Variants in DISP2 observed in about 807,000 individuals in gnomAD.
DISP2 encodes the protein dispatched RND transporter family member 2, also known as protein dispatched homolog 2.
In DISP2, 59 loss-of-function variants were observed where a neutral mutation model predicts 95.5. That is an observed-to-expected ratio of 0.62 (90% confidence interval 0.50 to 0.77). DISP2 has a LOEUF of 0.77. DISP2 is among the 30% of genes least tolerant of loss of function. The pLI is 0.00. For missense variants in DISP2, 1,752 were observed against 1,854.6 expected (o/e 0.94, Z 1.02); for synonymous variants, 827 against 815.0 (o/e 1.01, Z -0.25).
chr15:40,363,999 G>T, intron 2 of DISP2, 45 bp downstream of exon 2: 1 of 1,499,536 alleles, frequency 6.7e-7, no homozygotes, highest in South Asian at 1.3e-5. Context: ...TGGAAAATGC[G>T]GTGGGGCTTA....
In DISP2 at chr15:40,367,113, G is replaced by A. The variant is rs756145205; in HGVS notation, c.1001G>A (p.Cys334Tyr). The change falls in exon 8 of 8, where the codon TGC (cysteine) becomes TAC (tyrosine). Residue 334 changes from cysteine to tyrosine, a missense_variant. Cys to Tyr is a radical substitution (Grantham distance 194). Transcript: ENST00000267889. ...ALCQRTAANQ[C>Y]CPSWSLGNYL... ...TGCCAGCGGACAGCAGCCAACCAGT[G>A]CTGCCCCAGCTGGTCCCTGGGCAAC... The A allele has an allele frequency of 6.2e-7, 1 of 1,613,544 alleles. No homozygotes were observed. The highest frequency in any genetic ancestry group is 1.1e-5 in the South Asian group (1 of 91,088).
chr15:40,373,015 A>T lies in DISP2; in HGVS notation c.*2697A>T, dbSNP rs1181073265. 1.3e-5 allele frequency: 2 copies of T among 152,318 alleles called. No homozygotes were observed. The highest frequency in any genetic ancestry group is 4.1e-4 in the South Asian group (2 of 4,828). 9.4% of individuals were successfully genotyped at this position (152,318 alleles called of 1,614,324 possible). A position where few individuals can be genotyped will look rare whatever the true frequency, so the allele number is the denominator to read the frequency against. ...GAAGAACCCAGCAGTAATCTAAAACATTACCTTATACCTAGAATGGCCCAA... is the reference window on the plus strand; with the variant it reads ...GAAGAACCCAGCAGTAATCTAAAACTTTACCTTATACCTAGAATGGCCCAA... On this transcript the variant is annotated 3_prime_UTR_variant, in exon 8 of 8. Transcript: ENST00000267889.
intron 7 of DISP2, among the ~76,000 whole-genome samples, chr15:40,366,382 G>A (rs577904181): frequency 2.4e-4 from 37 of 152,344 alleles, no homozygotes; most frequent in Non-Finnish European, 5.0e-4. Context: ...ACAGTTAAAT[G>A]AGATAGAAGT....
chr15:40,368,441 G>T lies in DISP2; in HGVS notation c.2329G>T (p.Gly777Cys). ...CCACATGCCCGTGGTTTTGGTGTGGGGCGTCCTGCCTGTGGACACTGGCGA... is the reference window on the plus strand; with the variant it reads ...CCACATGCCCGTGGTTTTGGTGTGGTGCGTCCTGCCTGTGGACACTGGCGA... Reference protein sequence around the residue: ...GGHMPVVLVWGVLPVDTGDPL... With the variant: ...GGHMPVVLVWCVLPVDTGDPL... The change falls in exon 8 of 8, where the codon GGC becomes TGC. Residue 777 changes from glycine to cysteine, a missense_variant. By Grantham distance (159) the Gly-to-Cys change is radical. Coordinates refer to ENST00000267889, the MANE Select transcript of DISP2 (RefSeq NM_033510.3). 6.2e-7 allele frequency: 1 copy of T among 1,609,622 alleles called. No individual in the cohort carries two copies. The highest frequency in any genetic ancestry group is 8.5e-7 in the Non-Finnish European group (1 of 1,179,882).
Position 40,364,769 on chromosome 15 carries a change from A to G in DISP2, c.604-69A>G. The G allele has an allele frequency of 6.0e-6, 9 of 1,502,978 alleles. No individual in the cohort carries two copies. The South Asian group carries it at 9.8e-5, about 16-fold the overall frequency. The allele number at this position is 1,502,978 out of a possible 1,614,324, so 93.1% of individuals were successfully genotyped here. ...CTGCTCTGAGGAGTCAAAGGGGCAG[A>G]GCTGAGAAGCACCCAAATGGAGAAC... On this transcript the variant is annotated intron_variant, in intron 4 of 7. Transcript: ENST00000267889.
chr15:40,369,518 A>ACC lies in DISP2; in HGVS notation c.3407_3408insCC (p.Gly1137LeufsTer165). ...TGCCCACCTGCCATGGGATGCTGGT[A>ACC]CTGGGGACCCTGGTGGGGAGAAGGC... On this transcript the variant is annotated frameshift_variant, in exon 8 of 8. Transcript: ENST00000267889. LOFTEE classifies it high-confidence loss of function. The ACC allele has an allele frequency of 6.2e-7, 1 of 1,613,040 alleles. No homozygotes were observed. The highest frequency in any genetic ancestry group is 8.5e-7 in the Non-Finnish European group (1 of 1,179,982).
At chr15:40,362,929 A>G (rs1889427647) in intron 1 of DISP2, among the ~76,000 whole-genome samples, 1 of 152,238 alleles carries the variant, frequency 6.6e-6, no homozygotes, top group South Asian at 2.1e-4. Context: ...GGGTTTGAGT[A>G]CCAGCTCTTC....
rs1379052582 is a variant in DISP2 at position 40,375,256 on chromosome 15, C to G, written c.*4938C>G. Reference sequence around the variant, plus strand: ...ATTTCTCATAATTATTATCGGGCCTCTTTGTGATTACTCACATTTTTCTCA... The same window carrying G: ...ATTTCTCATAATTATTATCGGGCCTGTTTGTGATTACTCACATTTTTCTCA... On this transcript the variant is annotated 3_prime_UTR_variant, in exon 8 of 8. Transcript: ENST00000267889. 1 of 152,214 alleles carries G rather than the reference C, an allele frequency of 6.6e-6. No homozygotes were observed. Among genetic ancestry groups the G allele is most frequent in the Non-Finnish European group, 1.5e-5 (1 of 68,040 alleles). The allele number at this position is 152,214 out of a possible 1,614,324, so 9.4% of individuals were successfully genotyped here.
In DISP2 at chr15:40,363,925, C is replaced by T. The variant is rs749400005; in HGVS notation, c.420C>T (p.Pro140=). Residue 140 remains proline, a synonymous_variant, in exon 2 of 8, where the codon CCC becomes CCT. Coordinates refer to ENST00000267889, the MANE Select transcript of DISP2 (RefSeq NM_033510.3). ...PSQRDGTWKP[P]AVQHHVVSVR... is the part of the protein sequence containing the mutation. The stretch of plus-strand genomic sequence containing the variant: ...AGCGCGATGGGACCTGGAAGCCACC[C>T]GCTGTGCAGCACCATGTGGTCAGCG... 1.9e-5 allele frequency: 29 copies of T among 1,548,896 alleles called. No homozygotes were observed. Among genetic ancestry groups the T allele is most frequent in the Non-Finnish European group, 2.4e-5 (28 of 1,146,878 alleles).
Position 40,375,338 on chromosome 15 carries a change from T to C in DISP2, c.*5020T>C, listed in dbSNP as rs17671194. 0.088 allele frequency: 13,361 copies of C among 152,238 alleles called. 801 individuals carry two copies. The highest frequency in any genetic ancestry group is 0.13 in the Non-Finnish European group (8,523 of 67,996). The allele number at this position is 152,238 out of a possible 1,614,324, so 9.4% of individuals were successfully genotyped here. ...CCACAACCATCAAACAAACAAGAGC[T>C]TTAATATTGCTAAAGAAAATCACAC... On this transcript the variant is annotated 3_prime_UTR_variant, in exon 8 of 8. Coordinates refer to ENST00000267889, the MANE Select transcript of DISP2 (RefSeq NM_033510.3).
Position 40,365,722 on chromosome 15 carries a change from C to T in DISP2, c.942C>T (p.Asp314=). The change falls in exon 7 of 8, where the codon GAC becomes GAT. Residue 314 remains aspartate, a synonymous_variant. Coordinates refer to ENST00000267889, the MANE Select transcript of DISP2 (RefSeq NM_033510.3). ...AIHSMCRMEQ[D]QIRSHTSFGA... Reference sequence around the variant, plus strand: ...ATTCCATGTGTCGCATGGAACAGGACCAGGTGAGCTGGTGGGGGAGGTGCC... The same window carrying T: ...ATTCCATGTGTCGCATGGAACAGGATCAGGTGAGCTGGTGGGGGAGGTGCC... 1 of 1,613,960 alleles carries T rather than the reference C, an allele frequency of 6.2e-7. No individual in the cohort carries two copies.
rs1346741840 is a variant in DISP2 at position 40,374,800 on chromosome 15, G to C, written c.*4482G>C. The C allele has an allele frequency of 6.6e-6, 1 of 151,842 alleles. No homozygotes were observed. The highest frequency in any genetic ancestry group is 1.5e-5 in the Non-Finnish European group (1 of 68,032). The allele number at this position is 151,842 out of a possible 1,614,324, so 9.4% of individuals were successfully genotyped here. A position where few individuals can be genotyped will look rare whatever the true frequency, so the allele number is the denominator to read the frequency against. On this transcript the variant is annotated 3_prime_UTR_variant, in exon 8 of 8. Transcript: ENST00000267889. The stretch of plus-strand genomic sequence containing the variant: ...AATTTTTTGTATTTTTAGTAAAGAC[G>C]GGGTTTCATTGTGTTAGCCAGGATG...
In DISP2 at chr15:40,372,874, C is replaced by G. The variant is rs1889668278; in HGVS notation, c.*2556C>G. 1 of 152,200 alleles carries G rather than the reference C, an allele frequency of 6.6e-6. No individual in the cohort carries two copies. The highest frequency in any genetic ancestry group is 1.5e-5 in the Non-Finnish European group (1 of 68,034). 9.4% of individuals were successfully genotyped at this position (152,200 alleles called of 1,614,324 possible). ...ATCTGAGCACACCCGAGGGCCCTAC[C>G]TGGGGATTTCCAGGTCATATTCTTG... On this transcript the variant is annotated 3_prime_UTR_variant, in exon 8 of 8. Coordinates refer to ENST00000267889, the MANE Select transcript of DISP2 (RefSeq NM_033510.3).
At position 40,368,464 on chromosome 15, in the gene DISP2, C is replaced by T. The variant is rs778094098; in HGVS notation, c.2352C>T (p.Gly784=). ...LVWGVLPVDT[G]DPLDPRSNSS... ...GGGGCGTCCTGCCTGTGGACACTGGCGACCCTCTGGACCCTCGTAGCAACA... is the reference window on the plus strand; with the variant it reads ...GGGGCGTCCTGCCTGTGGACACTGGTGACCCTCTGGACCCTCGTAGCAACA... Residue 784 remains glycine (G), a synonymous_variant, in exon 8 of 8, where the codon GGC becomes GGT. Coordinates refer to ENST00000267889, the MANE Select transcript of DISP2 (RefSeq NM_033510.3). The T allele has an allele frequency of 4.1e-5, 66 of 1,609,148 alleles. No homozygotes were observed. Among genetic ancestry groups the T allele is most frequent in the Non-Finnish European group, 5.3e-5 (63 of 1,179,836 alleles).
chr15:40,369,226 C>T lies in DISP2; in HGVS notation c.3114C>T (p.Ile1038=), dbSNP rs1837265182. ...TAGACTTCACTGTCAACTACTGCAT[C>T]TCCTATCACCTGTGCCCACACCCTG... ...LSVDFTVNYC[I]SYHLCPHPDR... is the part of the protein sequence containing the mutation. The change falls in exon 8 of 8, where the codon ATC becomes ATT. Residue 1038 remains isoleucine, a synonymous_variant. Coordinates refer to ENST00000267889, the MANE Select transcript of DISP2 (RefSeq NM_033510.3). 1.9e-6 allele frequency: 3 copies of T among 1,613,940 alleles called. No homozygotes were observed. The highest frequency in any genetic ancestry group is 2.5e-6 in the Non-Finnish European group (3 of 1,180,038).
At position 40,370,246 on chromosome 15, in the gene DISP2, C is replaced by A. The variant is rs1595730713; in HGVS notation, c.4134C>A (p.Pro1378=). 6.3e-7 allele frequency: 1 copy of A among 1,581,826 alleles called. No homozygotes were observed. Among genetic ancestry groups the A allele is most frequent in the South Asian group, 1.2e-5 (1 of 86,686 alleles). The change falls in exon 8 of 8, where the codon CCC becomes CCA. Residue 1378 remains proline (P), a synonymous_variant. Transcript: ENST00000267889. The part of the protein sequence containing the change: ...GPGDGSPVVL[P]NSQPDLPDVW... ...GGGATGGCAGCCCTGTGGTGCTGCC[C>A]AATAGCCAGCCAGACCTGCCAGATG...
chr15:40,365,251 A>G lies in DISP2; in HGVS notation c.824A>G (p.Glu275Gly). ...MVEPLEDRRQ[E>G]NFFCGPPEKS... is the part of the protein sequence containing the mutation. Reference sequence around the variant, plus strand: ...GAGCCCCTGGAGGACAGAAGGCAAGAGAACTTCTTCTGTGGCCCCCCTGGT... The same window carrying G: ...GAGCCCCTGGAGGACAGAAGGCAAGGGAACTTCTTCTGTGGCCCCCCTGGT... Residue 275 changes from glutamate (E) to glycine (G), a missense_variant, in exon 6 of 8, where the codon GAG becomes GGG. Coordinates refer to ENST00000267889, the MANE Select transcript of DISP2 (RefSeq NM_033510.3). 1 of 1,613,996 alleles carries G rather than the reference A, an allele frequency of 6.2e-7. No individual in the cohort carries two copies.
chr15:40,372,373 G>GT lies in DISP2; in HGVS notation c.*2061dup, dbSNP rs1423919191. 1 of 152,182 alleles carries GT rather than the reference G, an allele frequency of 6.6e-6. No individual in the cohort carries two copies. Among genetic ancestry groups the GT allele is most frequent in the African/African-American group, 2.4e-5 (1 of 41,440 alleles). The allele number at this position is 152,182 out of a possible 1,614,324, so 9.4% of individuals were successfully genotyped here. ...TCAGATGATGTTTTTGTTTTATTTAGTTTTTTATTATTGAGACCTACTTCC... is the reference window on the plus strand; with the variant it reads ...TCAGATGATGTTTTTGTTTTATTTAGTTTTTTTATTATTGAGACCTACTTCC... On this transcript the variant is annotated 3_prime_UTR_variant, in exon 8 of 8. Coordinates refer to ENST00000267889, the MANE Select transcript of DISP2 (RefSeq NM_033510.3).
At chr15:40,363,456 C>A (rs1278861580) in intron 1 of DISP2, among the ~76,000 whole-genome samples, 169 bp from the exon 2 acceptor site, 1 of 152,182 alleles carries the variant, frequency 6.6e-6, no homozygotes, top group African/African-American at 2.4e-5. Context: ...GCTGAGGGCG[C>A]AGACTTCGAG....
Sources: allele counts gnomAD v4.1 joint callset (sites outside exome capture counted in the v4.1 genomes callset), GRCh38; gene constraint gnomAD v4.1.1; transcripts MANE v1.5; gene names NCBI Gene and HGNC (gene_info 2026-07-23, HGNC 2026-07-21).